The following KIAA0825 variants were observed in gnomAD, a reference collection of about 807,000 sequenced individuals.
KIAA0825 encodes uncharacterized protein KIAA0825.
A neutral mutation model predicts 147.6 loss-of-function variants in KIAA0825; 119 were observed. The ratio of observed to expected loss-of-function variants is 0.81; its 90% CI spans 0.69 to 0.94. The LOEUF is 0.94. Among genes scored for constraint, KIAA0825 ranks in the 40% least tolerant of loss-of-function variants. The pLI is 0.00. For synonymous variants in KIAA0825, 470 were observed against 518.1 expected (o/e 0.91, Z 1.26); for missense variants, 1,381 against 1,472.7 (o/e 0.94, Z 1.02).
chr5:94,299,152 C>A (rs1249627827), intron 20 of KIAA0825, among the ~76,000 whole-genome samples: 2 of 152,058 alleles, frequency 1.3e-5, no homozygotes, highest in African/African-American at 2.4e-5. Context: ...ACAAGCTAAA[C>A]TATGAAATTT....
chr5:94,283,274 C>T (rs1777538003), intron 20 of KIAA0825, among the ~76,000 whole-genome samples: 1 of 151,984 alleles, frequency 6.6e-6, no homozygotes, highest in Non-Finnish European at 1.5e-5. Flanking sequence ...GATATTATTT[C>T]CTTTTAACAG....
At chr5:94,398,523 C>G (rs1164628098) in intron 16 of KIAA0825, among the ~76,000 whole-genome samples, 1 of 152,122 alleles carries the variant, frequency 6.6e-6, no homozygotes, top group South Asian at 2.1e-4. Flanking sequence ...ATCCTCTCCT[C>G]TCTTGTGAAT....
intron 13 of KIAA0825, among the ~76,000 whole-genome samples, chr5:94,449,542 T>C (rs1420338429): frequency 6.6e-6 from 1 of 151,988 alleles, no homozygotes; most frequent in African/African-American, 2.4e-5. Context: ...TTACTCCTAA[T>C]AGAAAAGACT....
chr5:94,199,423 A>C (rs1212348699), intron 20 of KIAA0825, among the ~76,000 whole-genome samples: 1 of 152,138 alleles, frequency 6.6e-6, no homozygotes, highest in African/African-American at 2.4e-5. Context: ...AGAGGAGCCA[A>C]GGTACTCCCA....
intron 20 of KIAA0825, among the ~76,000 whole-genome samples, chr5:94,179,657 A>G (rs1769419059): frequency 6.6e-6 from 1 of 152,040 alleles, no homozygotes; most frequent in African/African-American, 2.4e-5. Context: ...TAGGTGCTGG[A>G]GAAGGGATAA....
chr5:94,595,641 C>G (rs1478423805), intron 1 of KIAA0825, among the ~76,000 whole-genome samples: 4 of 152,220 alleles, frequency 2.6e-5, no homozygotes, highest in Non-Finnish European at 4.4e-5. Context: ...GCTTGAACTT[C>G]TCCTCAGAAA....
In KIAA0825 at chr5:94,504,800, C is replaced by G. The variant is rs529341993; in HGVS notation, c.970+15448G>C. ...TCTTGTTTTGTCACCCAGGCTAGAG[C>G]GCAGTGGCGTAATCTCGGCTTACTG... On this transcript the variant is annotated intron_variant, in intron 5 of 20. Transcript: ENST00000682413. Among the ~76,000 whole-genome samples the G allele has an allele frequency of 2.8e-5, 4 of 143,142 alleles. No homozygotes were observed. The East Asian group carries it at 8.2e-4, about 29-fold the overall frequency. 93.9% of individuals were successfully genotyped at this position (143,142 alleles called of 152,430 possible). A position where few individuals can be genotyped will look rare whatever the true frequency, so the allele number is the denominator to read the frequency against.
intron 1 of KIAA0825, among the ~76,000 whole-genome samples, chr5:94,587,143 T>G (rs779467782): frequency 6.6e-6 from 1 of 152,208 alleles, no homozygotes; most frequent in African/African-American, 2.4e-5. Flanking sequence ...AAGACAAGGA[T>G]GCCCTCTCTC....
At chr5:94,351,004 A>C (rs1309178181) in intron 20 of KIAA0825, among the ~76,000 whole-genome samples, 1 of 151,450 alleles carries the variant, frequency 6.6e-6, no homozygotes, top group East Asian at 1.9e-4. Flanking sequence ...CTCCTGCCTC[A>C]GCCTCCTGAA....
intron 5 of KIAA0825, among the ~76,000 whole-genome samples, chr5:94,493,655 AT>A (rs1220605349): frequency 6.6e-6 from 1 of 151,944 alleles, no homozygotes; most frequent in Non-Finnish European, 1.5e-5. Flanking sequence ...CGCCCGGCTA[AT>A]TTTTTGTATT....
At position 94,511,921 on chromosome 5, in the gene KIAA0825, G is replaced by A. The variant is rs188810743; in HGVS notation, c.970+8327C>T. Among the ~76,000 whole-genome samples, 1,034 of 151,138 alleles carry A rather than the reference G, an allele frequency of 6.8e-3. 16 individuals carry two copies. Among genetic ancestry groups the A allele is most frequent in the African/African-American group, 0.023 (949 of 41,214 alleles). Reference sequence around the variant, plus strand: ...GGAGAATTGCTTGAACCCAGGAGGCGGAGGTTGCAGTGAGCTGAGATTGCA... The same window carrying A: ...GGAGAATTGCTTGAACCCAGGAGGCAGAGGTTGCAGTGAGCTGAGATTGCA... On this transcript the variant is annotated intron_variant, in intron 5 of 20. Transcript: ENST00000682413.
chr5:94,199,768 T>C (rs1403200535), intron 20 of KIAA0825, among the ~76,000 whole-genome samples: 1 of 152,106 alleles, frequency 6.6e-6, no homozygotes, highest in East Asian at 1.9e-4. Context: ...GGCAAGTGCA[T>C]GCTGGCGGGG....
chr5:94,387,523 A>G (rs931326807), intron 18 of KIAA0825, among the ~76,000 whole-genome samples: 5 of 151,982 alleles, frequency 3.3e-5, no homozygotes, highest in Admixed American at 3.3e-4. Context: ...GTGAAACCCC[A>G]TCTCTACTAA....
chr5:94,315,248 G>T (rs1011307089), intron 20 of KIAA0825, among the ~76,000 whole-genome samples: 2 of 151,554 alleles, frequency 1.3e-5, no homozygotes, highest in Non-Finnish European at 3.0e-5. Flanking sequence ...CCATGACAAA[G>T]GACTTATTAA....
chr5:94,219,541 T>C (rs1773504474), intron 20 of KIAA0825, among the ~76,000 whole-genome samples: 1 of 152,090 alleles, frequency 6.6e-6, no homozygotes, highest in African/African-American at 2.4e-5. Flanking sequence ...ATCTAAGAAA[T>C]GCATTGATAG....
chr5:94,410,299 A>C (rs574706852), intron 15 of KIAA0825, among the ~76,000 whole-genome samples: 27 of 152,222 alleles, frequency 1.8e-4, no homozygotes, highest in African/African-American at 6.3e-4. Flanking sequence ...ATACAAAAAA[A>C]CAAGGAAGAA....
At chr5:94,605,443 C>T (rs1787321992) in intron 1 of KIAA0825, among the ~76,000 whole-genome samples, 1 of 152,114 alleles carries the variant, frequency 6.6e-6, no homozygotes, top group Non-Finnish European at 1.5e-5. Flanking sequence ...GATACCAAAA[C>T]CTGACAGAGA....
chr5:94,464,724 C>T, intron 11 of KIAA0825, 145 bp downstream of exon 11: 1 of 697,368 alleles, frequency 1.4e-6, no homozygotes, highest in South Asian at 2.9e-5. Flanking sequence ...ACTTAAATAA[C>T]TCAGGAGAAT....
intron 5 of KIAA0825, among the ~76,000 whole-genome samples, chr5:94,508,765 T>C (rs1766088420): frequency 8.5e-5 from 13 of 152,168 alleles, no homozygotes; most frequent in Admixed American, 8.5e-4. Flanking sequence ...ATGTGCTCTG[T>C]CTCTCTATTG....
Sources: allele counts gnomAD v4.1 joint callset (sites outside exome capture counted in the v4.1 genomes callset), GRCh38; gene constraint gnomAD v4.1.1; transcripts MANE v1.5; gene names NCBI Gene and HGNC (gene_info 2026-07-23, HGNC 2026-07-21).